MRPS9: variants seen among roughly 807,000 people sequenced by gnomAD.
The protein encoded by MRPS9 is mitochondrial ribosomal protein S9.
A neutral mutation model predicts 59.9 loss-of-function variants in MRPS9; 45 were observed. That is an observed-to-expected ratio of 0.75 (90% CI 0.59 to 0.96). The LOEUF (loss-of-function observed/expected upper bound fraction) is 0.96, where lower values mean the gene tolerates loss of function less well. MRPS9 is among the 40% of genes least tolerant of loss of function. The pLI is 0.00. For missense variants in MRPS9, 473 were observed against 481.1 expected (o/e 0.98, Z 0.16); for synonymous variants, 171 against 166.8 (o/e 1.03, Z -0.19).
intron 4 of MRPS9, among the ~76,000 whole-genome samples, chr2:105,074,372 A>G (rs1337949870): frequency 2.0e-5 from 3 of 152,246 alleles, no homozygotes; most frequent in African/African-American, 7.2e-5. Flanking sequence ...GCCAGGGAAA[A>G]AAGAGAAAAC....
intron 8 of MRPS9, among the ~76,000 whole-genome samples, chr2:105,092,813 C>T (rs969804597): frequency 6.6e-6 from 1 of 152,146 alleles, no homozygotes; most frequent in Non-Finnish European, 1.5e-5. Flanking sequence ...TCTTTTCACA[C>T]ATTTATATTG....
intron 2 of MRPS9, among the ~76,000 whole-genome samples, chr2:105,064,444 GT>G: frequency 6.6e-6 from 1 of 152,290 alleles, no homozygotes; most frequent in South Asian, 2.1e-4. Flanking sequence ...GAATTGAGTT[GT>G]TTATGGGCCT....
chr2:105,091,205 C>T (rs1241411514), intron 7 of MRPS9: 5 of 448,600 alleles, frequency 1.1e-5, no homozygotes, highest in African/African-American at 1.0e-4. Context: ...TACTGGATAT[C>T]AGAAGAAATC....
intron 1 of MRPS9, among the ~76,000 whole-genome samples, chr2:105,045,951 G>A (rs954485078): frequency 5.3e-5 from 8 of 151,938 alleles, no homozygotes; most frequent in East Asian, 3.9e-4. Context: ...TGCAACCTCC[G>A]GCTCCCCGGT....
At chr2:105,059,072 GT>G (rs58396321) in intron 2 of MRPS9, among the ~76,000 whole-genome samples, 185 of 138,244 alleles carry the variant, frequency 1.3e-3, no homozygotes, top group Middle Eastern at 3.7e-3. Context: ...GTTCTGTGGG[GT>G]TTTTTTTTTT....
intron 1 of MRPS9, among the ~76,000 whole-genome samples, chr2:105,045,519 A>G (rs1489488356): frequency 2.6e-5 from 4 of 152,154 alleles, no homozygotes; most frequent in African/African-American, 9.6e-5. Flanking sequence ...AAAATAGTCT[A>G]AAACTTAAAT....
At chr2:105,066,507 TA>T (rs1680004546) in intron 2 of MRPS9, among the ~76,000 whole-genome samples, 2 of 152,362 alleles carry the variant, frequency 1.3e-5, no homozygotes, top group Admixed American at 1.3e-4. Context: ...TTTTCTGTCT[TA>T]GTCTTCATGA....
intron 1 of MRPS9, among the ~76,000 whole-genome samples, chr2:105,045,215 T>C (rs895961695): frequency 1.3e-5 from 2 of 152,284 alleles, no homozygotes; most frequent in South Asian, 4.1e-4. Context: ...ATATTTATTT[T>C]TGAAGTTGAT....
At position 105,081,508 on chromosome 2, in the gene MRPS9, G is replaced by GT. The variant is rs370566415; in HGVS notation, c.489+1447dup. On this transcript the variant is annotated intron_variant, in intron 5 of 10. Coordinates refer to ENST00000258455, the MANE Select transcript of MRPS9 (RefSeq NM_182640.3). Reference sequence around the variant, plus strand: ...TGTAGAGGAGCCTTATCAAACAGCTGTCATCTGACATGCCATTTGCATTTG... The same window carrying GT: ...TGTAGAGGAGCCTTATCAAACAGCTGTTCATCTGACATGCCATTTGCATTTG... Among the ~76,000 whole-genome samples, 4 of 152,280 alleles carry GT rather than the reference G, an allele frequency of 2.6e-5. 1 individual carries two copies. Among genetic ancestry groups the GT allele is most frequent in the African/African-American group, 7.2e-5 (3 of 41,564 alleles).
intron 2 of MRPS9, among the ~76,000 whole-genome samples, chr2:105,068,529 T>C (rs953027142): frequency 2.0e-5 from 3 of 152,214 alleles, no homozygotes; most frequent in African/African-American, 7.2e-5. Flanking sequence ...ACATAAAACA[T>C]TTACATGCTT....
At chr2:105,073,045 C>T (rs973410812) in intron 4 of MRPS9, among the ~76,000 whole-genome samples, 1 of 152,132 alleles carries the variant, frequency 6.6e-6, no homozygotes, top group African/African-American at 2.4e-5. Context: ...GGCACAGTAA[C>T]TTACATTAAA....
intron 4 of MRPS9, 120 bp from the exon 5 acceptor site, chr2:105,079,863 A>AT (rs1305969081): frequency 1.5e-5 from 8 of 521,558 alleles, no homozygotes; most frequent in East Asian, 3.2e-5. Flanking sequence ...AATGTTGGTG[A>AT]TTTTTTTGTA....
At chr2:105,065,918 T>A (rs1349177450) in intron 2 of MRPS9, among the ~76,000 whole-genome samples, 1 of 151,960 alleles carries the variant, frequency 6.6e-6, no homozygotes, top group Non-Finnish European at 1.5e-5. Flanking sequence ...AGCCAGGTAG[T>A]CCTTTGTTTG....
intron 7 of MRPS9, chr2:105,091,557 A>G (rs1053853325): frequency 6.7e-6 from 2 of 299,890 alleles, no homozygotes; most frequent in East Asian, 1.6e-4. Context: ...ATTTCAAACT[A>G]TTAATGGCAG....
At chr2:105,084,826 C>A (rs1680416604) in intron 5 of MRPS9, among the ~76,000 whole-genome samples, 1 of 151,934 alleles carries the variant, frequency 6.6e-6, no homozygotes, top group Non-Finnish European at 1.5e-5. Context: ...ATATTTTCCT[C>A]CCATATGAAT....
At chr2:105,038,297 TC>T (rs1679428269) in intron 1 of MRPS9, 70 bp downstream of exon 1, 2 of 1,550,796 alleles carry the variant, frequency 1.3e-6, no homozygotes, top group African/African-American at 2.7e-5. Flanking sequence ...GCGGACACCT[TC>T]CCCCAGCGTC....
chr2:105,076,403 T>G (rs1680212978), intron 4 of MRPS9, among the ~76,000 whole-genome samples: 1 of 152,226 alleles, frequency 6.6e-6, no homozygotes, highest in Non-Finnish European at 1.5e-5. Context: ...ATTGCAATCT[T>G]TCACTTCCTT....
At chr2:105,064,449 T>C (rs1039290251) in intron 2 of MRPS9, among the ~76,000 whole-genome samples, 4 of 152,184 alleles carry the variant, frequency 2.6e-5, no homozygotes, top group African/African-American at 9.6e-5. Flanking sequence ...GAGTTGTTTA[T>C]GGGCCTAGAT....
chr2:105,091,017 C>A (rs1680546720), intron 7 of MRPS9, among the ~76,000 whole-genome samples: 1 of 152,176 alleles, frequency 6.6e-6, no homozygotes, highest in Admixed American at 6.5e-5. Flanking sequence ...ACTGAAAAAT[C>A]TCTTTGCTTC....
Sources: gnomAD v4.1 joint callset for allele counts (sites outside exome capture counted in the v4.1 genomes callset) on GRCh38, gnomAD v4.1.1 for gene constraint, MANE v1.5 for transcripts, NCBI Gene and HGNC (gene_info 2026-07-23, HGNC 2026-07-21) for gene names.